Variants in CSMD1 observed in about 807,000 individuals in gnomAD.
CSMD1 encodes CUB and sushi domain-containing protein 1.
A neutral mutation model predicts 417.5 loss-of-function variants in CSMD1; 213 were observed. The ratio of observed to expected loss-of-function variants is 0.51; its 90% CI spans 0.46 to 0.57. The LOEUF (loss-of-function observed/expected upper bound fraction) is 0.57. CSMD1 is among the 20% of genes least tolerant of loss of function. The pLI is 0.00. For missense variants in CSMD1, 6,923 were observed against 4,529.7 expected (o/e 1.53, Z -15.17); for synonymous variants, 2,862 against 1,736.8 (o/e 1.65, Z -16.11).
At position 4,275,303 on chromosome 8, in the gene CSMD1, G is replaced by A. The variant is rs563630904; in HGVS notation, c.415+144650C>T. 1.8e-3 allele frequency among the ~76,000 whole-genome samples: 273 copies of A among 152,198 alleles called. 1 individual carries two copies. Among genetic ancestry groups the A allele is most frequent in the Non-Finnish European group, 3.4e-3 (231 of 67,988 alleles). On this transcript the variant is annotated intron_variant, in intron 3 of 69. Transcript: ENST00000635120. ...TTATGTTTTATTAAGAACAGAAACT[G>A]TAAGGTCAGAAGGTATAAAGCTTCT... is the stretch of plus-strand genomic sequence containing the variant.
chr8:3,638,894 T>C (rs1032116206), intron 7 of CSMD1, among the ~76,000 whole-genome samples: 1 of 152,122 alleles, frequency 6.6e-6, no homozygotes, highest in African/African-American at 2.4e-5. Context: ...TAGGGAAAAG[T>C]GAAGAAGGGA....
At chr8:3,568,028 G>A (rs1799788577) in intron 10 of CSMD1, among the ~76,000 whole-genome samples, 1 of 152,078 alleles carries the variant, frequency 6.6e-6, no homozygotes. Flanking sequence ...ACTGACAGAA[G>A]CCACTATTAG....
chr8:4,753,700 C>G (rs1811490382), intron 1 of CSMD1, among the ~76,000 whole-genome samples: 1 of 152,164 alleles, frequency 6.6e-6, no homozygotes, highest in South Asian at 2.1e-4. Context: ...ACCTTCTGCT[C>G]CTTTAACAGC....
intron 7 of CSMD1, among the ~76,000 whole-genome samples, chr8:3,646,660 G>A (rs1191493007): frequency 1.3e-5 from 2 of 152,106 alleles, no homozygotes; most frequent in African/African-American, 2.4e-5. Flanking sequence ...GTGCTCAGAG[G>A]GCCAAGACTT....
At chr8:4,638,683 G>A (rs148367420) in intron 1 of CSMD1, among the ~76,000 whole-genome samples, 1 of 152,268 alleles carries the variant, frequency 6.6e-6, no homozygotes, top group Non-Finnish European at 1.5e-5. Flanking sequence ...AGGACAGCAG[G>A]ACATCTCACG....
intron 1 of CSMD1, among the ~76,000 whole-genome samples, chr8:4,880,244 C>T (rs1041963992): frequency 1.3e-5 from 2 of 151,990 alleles, no homozygotes; most frequent in African/African-American, 2.4e-5. Flanking sequence ...CATTCAGTGA[C>T]CTGTTCCCCA....
At chr8:3,046,669 T>C (rs1457950302) in intron 50 of CSMD1, among the ~76,000 whole-genome samples, 1 of 152,148 alleles carries the variant, frequency 6.6e-6, no homozygotes, top group Non-Finnish European at 1.5e-5. Flanking sequence ...CTTTTCCTGA[T>C]GCCCAAAGCA....
intron 5 of CSMD1, among the ~76,000 whole-genome samples, chr8:3,883,354 A>G (rs1806332849): frequency 6.6e-6 from 1 of 152,188 alleles, no homozygotes; most frequent in Admixed American, 6.6e-5. Flanking sequence ...AAGTCAATTA[A>G]CATGAAGTTT....
At chr8:3,145,043 T>TTGTGTGTGTATG (rs1818756273) in intron 40 of CSMD1, among the ~76,000 whole-genome samples, 1 of 146,714 alleles carries the variant, frequency 6.8e-6, no homozygotes, top group African/African-American at 2.7e-5. Flanking sequence ...GAGTAAAGAG[T>TTGTGTGTGTATG]TGTGTGTGTG....
At chr8:4,811,526 A>G (rs1228544421) in intron 1 of CSMD1, among the ~76,000 whole-genome samples, 1 of 152,166 alleles carries the variant, frequency 6.6e-6, no homozygotes, top group Non-Finnish European at 1.5e-5. Flanking sequence ...CTGCCATAGA[A>G]ACAAGAGGTA....
chr8:4,786,684 A>G (rs1038284014), intron 1 of CSMD1, among the ~76,000 whole-genome samples: 5 of 152,102 alleles, frequency 3.3e-5, no homozygotes, highest in African/African-American at 9.7e-5. Context: ...ATTCTGTTCT[A>G]TCTGGTTTTC....
intron 5 of CSMD1, among the ~76,000 whole-genome samples, chr8:3,891,936 C>A (rs1390120143): frequency 1.3e-5 from 2 of 152,050 alleles, no homozygotes; most frequent in Admixed American, 6.6e-5. Flanking sequence ...CTCTTAAGAG[C>A]AAAATGAACA....
chr8:3,058,690 G>T (rs1585246908), intron 49 of CSMD1, among the ~76,000 whole-genome samples: 2 of 151,916 alleles, frequency 1.3e-5, no homozygotes, highest in African/African-American at 4.8e-5. Flanking sequence ...ATCTGGGGGA[G>T]GGGGAGATTT....
At chr8:4,390,499 T>TTATTTATTTATTTATTTATTTATC (rs1803773548) in intron 3 of CSMD1, among the ~76,000 whole-genome samples, 1 of 143,918 alleles carries the variant, frequency 6.9e-6, no homozygotes, top group Non-Finnish European at 1.5e-5. Context: ...GCGTCCATTT[T>TTATTTATTTATTTATTTATTTATC]TATTTATTTA....
chr8:2,998,264 G>A, intron 53 of CSMD1, 80 bp from the exon 54 acceptor site: 3 of 1,426,580 alleles, frequency 2.1e-6, no homozygotes, highest in South Asian at 2.5e-5. Flanking sequence ...TAAGAAACAT[G>A]CAGGCATGCT....
Position 3,987,217 on chromosome 8 carries a change from C to G in CSMD1, c.818+10686G>C, listed in dbSNP as rs769150195. Among the ~76,000 whole-genome samples the G allele has an allele frequency of 1.9e-4, 29 of 152,188 alleles. 1 individual carries two copies. Among genetic ancestry groups the G allele is most frequent in the African/African-American group, 7.0e-4 (29 of 41,426 alleles). ...ACACACACCGTGCCCACAACAGCAG[C>G]ACGCACTCTTCCTGTGAACATGCTT... On this transcript the variant is annotated intron_variant, in intron 5 of 69. Transcript: ENST00000635120.
intron 5 of CSMD1, among the ~76,000 whole-genome samples, chr8:3,866,354 G>A (rs1805103708): frequency 6.6e-6 from 1 of 152,160 alleles, no homozygotes; most frequent in Non-Finnish European, 1.5e-5. Context: ...TCCTTTTACT[G>A]GAATACAGAA....
At chr8:3,687,964 A>G (rs1480796914) in intron 7 of CSMD1, among the ~76,000 whole-genome samples, 2 of 152,110 alleles carry the variant, frequency 1.3e-5, no homozygotes, top group African/African-American at 4.8e-5. Context: ...CTTTTCCATC[A>G]TCATATTTGC....
At chr8:3,667,291 G>A (rs904313446) in intron 7 of CSMD1, among the ~76,000 whole-genome samples, 1 of 152,124 alleles carries the variant, frequency 6.6e-6, no homozygotes, top group African/African-American at 2.4e-5. Flanking sequence ...TAAGGGTTAT[G>A]TGAAAAATAA....
Sources: allele counts gnomAD v4.1 joint callset (sites outside exome capture counted in the v4.1 genomes callset), GRCh38; gene constraint gnomAD v4.1.1; transcripts MANE v1.5; gene names NCBI Gene and HGNC (gene_info 2026-07-23, HGNC 2026-07-21).